PLCG2: variants seen among roughly 807,000 people sequenced by gnomAD.
PLCG2 encodes the protein 1-phosphatidylinositol 4,5-bisphosphate phosphodiesterase gamma-2.
A neutral mutation model predicts 175.6 loss-of-function variants in PLCG2; 69 were observed. That is an observed-to-expected ratio of 0.39 (90% confidence interval 0.32 to 0.48). The LOEUF is 0.48. Among genes scored for constraint, PLCG2 ranks in the 20% least tolerant of loss-of-function variants. The pLI is 0.91. For synonymous variants in PLCG2, 827 were observed against 624.0 expected (o/e 1.33, Z -4.85); for missense variants, 1,798 against 1,650.9 (o/e 1.09, Z -1.54).
intron 9 of PLCG2, among the ~76,000 whole-genome samples, chr16:81,888,283 T>G (rs1372649657): frequency 1.3e-5 from 2 of 152,118 alleles, no homozygotes; most frequent in African/African-American, 4.8e-5. Context: ...CAACCTCGGT[T>G]CATTGCAACC....
intron 18 of PLCG2, among the ~76,000 whole-genome samples, chr16:81,911,790 C>CTTTTTTT (rs35027472): frequency 4.5e-5 from 3 of 67,234 alleles, no homozygotes; most frequent in Admixed American, 4.6e-4. Flanking sequence ...TTTGTATTTC[C>CTTTTTTT]TTTTTTTTTT....
chr16:81,927,041 C>T (rs1347427952), intron 22 of PLCG2, 41 bp from the exon 23 acceptor site: 1 of 1,348,984 alleles, frequency 7.4e-7, no homozygotes, highest in African/African-American at 1.4e-5. Flanking sequence ...TAATTCATGC[C>T]ACCTGGTGAC....
At chr16:81,829,178 G>T (rs1006771819) in intron 2 of PLCG2, among the ~76,000 whole-genome samples, 1 of 152,030 alleles carries the variant, frequency 6.6e-6, no homozygotes, top group South Asian at 2.1e-4. Flanking sequence ...GCACGATCTC[G>T]GCTCACTGCA....
intron 12 of PLCG2, among the ~76,000 whole-genome samples, chr16:81,894,744 A>G (rs1173825370): frequency 6.6e-6 from 1 of 151,928 alleles, no homozygotes; most frequent in East Asian, 2.0e-4. Context: ...GTGGTGGTGC[A>G]CATCTGTAAT....
intron 31 of PLCG2, among the ~76,000 whole-genome samples, chr16:81,951,587 C>T (rs566701385): frequency 6.6e-6 from 1 of 152,302 alleles, no homozygotes; most frequent in East Asian, 1.9e-4. Context: ...ATACAACTTT[C>T]ATATCAAAAC....
chr16:81,906,670 C>T (rs571377294), intron 15 of PLCG2, among the ~76,000 whole-genome samples: 97 of 152,294 alleles, frequency 6.4e-4, no homozygotes, highest in African/African-American at 2.0e-3. Context: ...GTGGTCTGCC[C>T]GCCTTGGCCT....
intron 2 of PLCG2, among the ~76,000 whole-genome samples, chr16:81,841,979 A>G (rs1905857793): frequency 6.6e-6 from 1 of 152,250 alleles, no homozygotes; most frequent in Admixed American, 6.5e-5. Context: ...CCTAGTAGCT[A>G]AACTCACCTT....
chr16:81,889,408 G>T, intron 10 of PLCG2, 135 bp downstream of exon 10: 4 of 584,932 alleles, frequency 6.8e-6, no homozygotes, highest in Middle Eastern at 2.7e-4. Context: ...TGGTTAGCTG[G>T]GATTGTTTCT....
At chr16:81,779,951 G>C (rs912151078) in intron 1 of PLCG2, among the ~76,000 whole-genome samples, 10 of 152,220 alleles carry the variant, frequency 6.6e-5, no homozygotes, top group Admixed American at 6.5e-4. Flanking sequence ...CTCCGCAGCT[G>C]TCTGCGTAAT....
chr16:81,923,073 C>A (rs140941252), intron 21 of PLCG2, among the ~76,000 whole-genome samples: 2 of 152,146 alleles, frequency 1.3e-5, no homozygotes, highest in African/African-American at 4.8e-5. Flanking sequence ...TGCTGAGCAC[C>A]GGCACTGTGA....
intron 13 of PLCG2, among the ~76,000 whole-genome samples, chr16:81,896,207 G>C (rs1021936876): frequency 1.3e-5 from 2 of 152,088 alleles, no homozygotes; most frequent in African/African-American, 4.8e-5. Context: ...TCCTCATTCT[G>C]TCTGGCCCCC....
intron 19 of PLCG2, 57 bp from the exon 20 acceptor site, chr16:81,919,427 A>G: frequency 1.4e-6 from 2 of 1,447,932 alleles, no homozygotes; most frequent in East Asian, 2.3e-5. Context: ...GGTTTGTGTA[A>G]AAATTGTTTG....
At chr16:81,921,380 T>A in intron 21 of PLCG2, 111 bp downstream of exon 21, 2 of 771,378 alleles carry the variant, frequency 2.6e-6, no homozygotes. Context: ...TTGGAAAACC[T>A]GGCCAAAATA....
chr16:81,833,433 G>T (rs1256014833), intron 2 of PLCG2, among the ~76,000 whole-genome samples: 1 of 151,994 alleles, frequency 6.6e-6, no homozygotes, highest in Non-Finnish European at 1.5e-5. Context: ...TGGGTGAGGA[G>T]GAGGCACCTG....
chr16:81,745,235 C>T (rs1909680894), intron 1 of PLCG2, among the ~76,000 whole-genome samples: 1 of 152,178 alleles, frequency 6.6e-6, no homozygotes, highest in Admixed American at 6.5e-5. Context: ...CTCCCTCCCA[C>T]TGATTGGCCG....
In PLCG2 at chr16:81,912,705, C is replaced by A. The variant is rs778007394; in HGVS notation, c.2043C>A (p.Ala681=). The change falls in exon 19 of 33, where the codon GCC becomes GCA. Residue 681 remains alanine (A), a synonymous_variant. Coordinates refer to ENST00000564138, the MANE Select transcript of PLCG2 (RefSeq NM_002661.5). The part of the protein sequence containing the change: ...IRKREGSDSY[A]ITFRARGKVK... The stretch of plus-strand genomic sequence containing the variant: ...AGCGAGAGGGGAGCGACTCCTATGC[C>A]ATCACCTTCAGGTGGGTGCGAGGGT... 1 of 1,607,454 alleles carries A rather than the reference C, an allele frequency of 6.2e-7. No individual in the cohort carries two copies. Among genetic ancestry groups the A allele is most frequent in the Non-Finnish European group, 8.5e-7 (1 of 1,176,728 alleles).
chr16:81,831,136 A>T (rs1291248624), intron 2 of PLCG2, among the ~76,000 whole-genome samples: 1 of 152,068 alleles, frequency 6.6e-6, no homozygotes, highest in African/African-American at 2.4e-5. Flanking sequence ...CTGGTCACAC[A>T]CCATGCTTTG....
intron 20 of PLCG2, among the ~76,000 whole-genome samples, chr16:81,919,871 A>T (rs1192563548): frequency 2.0e-5 from 3 of 152,230 alleles, no homozygotes; most frequent in Non-Finnish European, 2.9e-5. Context: ...GACATTTAAA[A>T]TATCCATAGC....
At chr16:81,953,193 G>T (rs539389353) in intron 31 of PLCG2, among the ~76,000 whole-genome samples, 1 of 152,346 alleles carries the variant, frequency 6.6e-6, no homozygotes, top group South Asian at 2.1e-4. Context: ...GACTAAGGCA[G>T]CACAATGACT....
Sources: gnomAD v4.1 joint callset for allele counts (sites outside exome capture counted in the v4.1 genomes callset) on GRCh38, gnomAD v4.1.1 for gene constraint, MANE v1.5 for transcripts, NCBI Gene and HGNC (gene_info 2026-07-23, HGNC 2026-07-21) for gene names.